Variants in TMEM19 observed in about 807,000 individuals in gnomAD.
TMEM19 encodes the protein transmembrane protein 19.
TMEM19 carries 21 observed loss-of-function variants against 33.6 expected under a neutral mutation model. The ratio of observed to expected loss-of-function variants is 0.62; its 90% CI spans 0.44 to 0.90. TMEM19 has a LOEUF of 0.90. Ranked by LOEUF, TMEM19 falls within the 40% of genes least tolerant of loss-of-function variation. The pLI, the probability that TMEM19 is intolerant of heterozygous loss-of-function variation, is 0.00. For synonymous variants in TMEM19, 149 were observed against 147.5 expected, an observed-to-expected ratio of 1.01 and a Z score of -0.07; for missense variants, 402 against 401.8, an observed-to-expected ratio of 1.00 and a Z score of 0.00.
At chr12:71,696,699 T>C in intron 3 of TMEM19, 126 bp downstream of exon 3, 1 of 799,452 alleles carries the variant, frequency 1.3e-6, no homozygotes, top group Admixed American at 3.4e-5. Flanking sequence ...CAGGCTGGAG[T>C]GCACTGGCGC....
At position 71,689,641 on chromosome 12, in the gene TMEM19, C is replaced by A. The variant is rs1881751039; in HGVS notation, c.181C>A (p.Pro61Thr). ...GCGTTGGCTGTTTTCTGTTGTTGTT[C>A]CTGTTCTGATCGTCTCTAATGGCCT... Reference protein sequence around the residue: ...PWRWLFSVVVPVLIVSNGLKK... With the variant: ...PWRWLFSVVVTVLIVSNGLKK... The change falls in exon 2 of 6, where the codon CCT (proline) becomes ACT (threonine). Residue 61 changes from proline to threonine, a missense_variant. By Grantham distance (38) the Pro-to-Thr change is conservative. Transcript: ENST00000266673. 1 of 1,613,924 alleles carries A rather than the reference C, an allele frequency of 6.2e-7. No individual in the cohort carries two copies. The highest frequency in any genetic ancestry group is 1.3e-5 in the African/African-American group (1 of 74,892).
At chr12:71,696,654 T>G in intron 3 of TMEM19, 81 bp downstream of exon 3, 4 of 907,182 alleles carry the variant, frequency 4.4e-6, no homozygotes, top group Non-Finnish European at 5.8e-6. Flanking sequence ...TTTGTTTTTG[T>G]TTTTTTTTTT....
chr12:71,700,750 TAAAA>T (rs367801163), intron 5 of TMEM19, 78 bp from the exon 6 acceptor site: 13 of 1,089,112 alleles, frequency 1.2e-5, no homozygotes, highest in South Asian at 2.2e-5. Context: ...TAAAGTATAA[TAAAA>T]AAAAAAAAAA....
At chr12:71,692,754 T>TA (rs1881805700) in intron 2 of TMEM19, among the ~76,000 whole-genome samples, 2 of 152,214 alleles carry the variant, frequency 1.3e-5, no homozygotes, top group Non-Finnish European at 2.9e-5. Flanking sequence ...AAGAGTATCT[T>TA]ATGCTTCTGT....
chr12:71,689,498 TA>T (rs1592618411), intron 1 of TMEM19, 92 bp from the exon 2 acceptor site: 2 of 871,522 alleles, frequency 2.3e-6, no homozygotes, highest in Non-Finnish European at 3.9e-6. Context: ...CTTATGACAG[TA>T]TTTTAGTCTA....
chr12:71,691,316 TA>T (rs1197072740), intron 2 of TMEM19, among the ~76,000 whole-genome samples: 3 of 152,090 alleles, frequency 2.0e-5, no homozygotes, highest in Non-Finnish European at 4.4e-5. Context: ...CAATAAGTAT[TA>T]GGAGTGGTTA....
At chr12:71,699,449 A>G (rs1881938209) in intron 5 of TMEM19, 2 of 429,632 alleles carry the variant, frequency 4.7e-6, no homozygotes, top group African/African-American at 4.0e-5. Context: ...TCATTTTCCT[A>G]TTCCATTTGA....
rs1881684108 is a variant in TMEM19 at position 71,686,265 on chromosome 12, G to A, written c.-416G>A. 2 of 229,588 alleles carry A rather than the reference G, an allele frequency of 8.7e-6. No homozygotes were observed. The highest frequency in any genetic ancestry group is 9.5e-5 in the South Asian group (2 of 21,138). 14.2% of individuals were successfully genotyped at this position (229,588 alleles called of 1,614,324 possible). A position where few individuals can be genotyped will look rare whatever the true frequency, so the allele number is the denominator to read the frequency against. The stretch of plus-strand genomic sequence containing the variant: ...TTGCCCAAGTTCGGGTGCCCTAGCT[G>A]CCCCTTTGCAGCCGCTGGCCTACCC... On this transcript the variant is annotated 5_prime_UTR_variant, in exon 1 of 6. Transcript: ENST00000266673.
Position 71,701,059 on chromosome 12 carries a change from A to T in TMEM19, c.*64A>T. Reference sequence around the variant, plus strand: ...AGCTAAATTTGCAATTCCAACTTTCATCCTAAGAATAATAACTGTAATGGC... The same window carrying T: ...AGCTAAATTTGCAATTCCAACTTTCTTCCTAAGAATAATAACTGTAATGGC... On this transcript the variant is annotated 3_prime_UTR_variant, in exon 6 of 6. Transcript: ENST00000266673. 2 of 1,450,938 alleles carry T rather than the reference A, an allele frequency of 1.4e-6. No homozygotes were observed. The highest frequency in any genetic ancestry group is 1.8e-6 in the Non-Finnish European group (2 of 1,085,244). The allele number at this position is 1,450,938 out of a possible 1,614,324, so 89.9% of individuals were successfully genotyped here. A position where few individuals can be genotyped will look rare whatever the true frequency, so the allele number is the denominator to read the frequency against.
chr12:71,689,478 G>A, intron 1 of TMEM19, 113 bp from the exon 2 acceptor site: 1 of 771,454 alleles, frequency 1.3e-6, no homozygotes, highest in South Asian at 1.5e-5. Context: ...ACTTCATCTT[G>A]GTGTTTGTAC....
intron 4 of TMEM19, among the ~76,000 whole-genome samples, 173 bp from the exon 5 acceptor site, chr12:71,698,727 G>A (rs1329318074): frequency 6.6e-6 from 1 of 151,816 alleles, no homozygotes; most frequent in Non-Finnish European, 1.5e-5. Flanking sequence ...TGCTTAAAAT[G>A]TCAAGAGTTA....
Position 71,704,006 on chromosome 12 carries a change from C to T in TMEM19, c.*3011C>T, listed in dbSNP as rs1882030733. The T allele has an allele frequency of 2.2e-6, 1 of 451,002 alleles. No homozygotes were observed. The highest frequency in any genetic ancestry group is 4.5e-6 in the Non-Finnish European group (1 of 224,710). The allele number at this position is 451,002 out of a possible 1,614,324, so 27.9% of individuals were successfully genotyped here. A position where few individuals can be genotyped will look rare whatever the true frequency, so the allele number is the denominator to read the frequency against. ...GGCAGTTCATGTTAAAATCACTTTT[C>T]ATGGAAAGAGCTCTATGTAACAGCA... On this transcript the variant is annotated 3_prime_UTR_variant, in exon 6 of 6. Coordinates refer to ENST00000266673, the MANE Select transcript of TMEM19 (RefSeq NM_018279.4).
rs1882012073 is a variant in TMEM19 at position 71,703,187 on chromosome 12, C to CGAAAAAAA, written c.*2192_*2193insGAAAAAAA. ...GGGAGACTCCATCTAGACTCCATCT[C>CGAAAAAAA]AAAAAAAAAAAAAAAAAAAAAAAAA... On this transcript the variant is annotated 3_prime_UTR_variant, in exon 6 of 6. Coordinates refer to ENST00000266673, the MANE Select transcript of TMEM19 (RefSeq NM_018279.4). 2.1e-5 allele frequency: 1 copy of CGAAAAAAA among 47,190 alleles called. No homozygotes were observed. The highest frequency in any genetic ancestry group is 5.9e-4 in the South Asian group (1 of 1,686). 2.9% of individuals were successfully genotyped at this position (47,190 alleles called of 1,614,324 possible). A position where few individuals can be genotyped will look rare whatever the true frequency, so the allele number is the denominator to read the frequency against.
rs911912326 is a variant in TMEM19, at chr12:71,703,231, A to G, written c.*2236A>G. On this transcript the variant is annotated 3_prime_UTR_variant, in exon 6 of 6. Transcript: ENST00000266673. ...AAAAAAAAAAAAAAAAAAAAAGAAT[A>G]TTCTAAGCACTAGAACTACATAAGA... is the stretch of plus-strand genomic sequence containing the variant. 23 of 144,560 alleles carry G rather than the reference A, an allele frequency of 1.6e-4. No individual in the cohort carries two copies. Among genetic ancestry groups the G allele is most frequent in the Non-Finnish European group, 3.3e-4 (22 of 65,760 alleles). The allele number at this position is 144,560 out of a possible 1,614,324, so 9.0% of individuals were successfully genotyped here.
chr12:71,695,570 A>G (rs980604886), intron 2 of TMEM19, among the ~76,000 whole-genome samples: 3 of 152,198 alleles, frequency 2.0e-5, no homozygotes, highest in Non-Finnish European at 2.9e-5. Context: ...ATTTATCATT[A>G]TTATTGTTGA....
chr12:71,696,071 C>T (rs556241787), intron 2 of TMEM19, among the ~76,000 whole-genome samples: 1 of 152,090 alleles, frequency 6.6e-6, no homozygotes, highest in Non-Finnish European at 1.5e-5. Flanking sequence ...AATCCCAGCA[C>T]TTTAGGAGGC....
At chr12:71,698,668 C>G (rs892923214) in intron 4 of TMEM19, among the ~76,000 whole-genome samples, 1 of 144,152 alleles carries the variant, frequency 6.9e-6, no homozygotes, top group African/African-American at 2.5e-5. Context: ...AGAAGCAGAA[C>G]CAAGATTGAA....
Position 71,703,668 on chromosome 12 carries a change from A to G in TMEM19, c.*2673A>G. ...AGGATCTGTGTAAAATATTTCACTC[A>G]AAACTACTAAAAAAAAGTCTGGGAT... is the stretch of plus-strand genomic sequence containing the variant. On this transcript the variant is annotated 3_prime_UTR_variant, in exon 6 of 6. Coordinates refer to ENST00000266673, the MANE Select transcript of TMEM19 (RefSeq NM_018279.4). The G allele has an allele frequency of 5.7e-6, 1 of 173,926 alleles. No individual in the cohort carries two copies. Among genetic ancestry groups the G allele is most frequent in the South Asian group, 1.3e-4 (1 of 7,830 alleles). 10.8% of individuals were successfully genotyped at this position (173,926 alleles called of 1,614,324 possible). A position where few individuals can be genotyped will look rare whatever the true frequency, so the allele number is the denominator to read the frequency against.
rs1401395876 is a variant in TMEM19, at chr12:71,696,482, T to C, written c.291T>C (p.Phe97=). Residue 97 remains phenylalanine, a synonymous_variant, in exon 3 of 6, where the codon TTT becomes TTC. Transcript: ENST00000266673. The stretch of plus-strand genomic sequence containing the variant: ...TAACCATTGCAAATTTCAGCTTTTT[T>C]ACCTCTTTGCTGATGTTTTTCTTGT... ...FILTIANFSF[F]TSLLMFFLSS... is the part of the protein sequence containing the mutation. 2 of 1,612,878 alleles carry C rather than the reference T, an allele frequency of 1.2e-6. No homozygotes were observed. The highest frequency in any genetic ancestry group is 1.7e-5 in the Admixed American group (1 of 59,910).
Sources: allele counts gnomAD v4.1 joint callset (sites outside exome capture counted in the v4.1 genomes callset), GRCh38; gene constraint gnomAD v4.1.1; transcripts MANE v1.5; gene names NCBI Gene and HGNC (gene_info 2026-07-23, HGNC 2026-07-21).